The following FAM234B variants were observed in gnomAD, a reference collection of about 807,000 sequenced individuals.
The protein encoded by FAM234B is family with sequence similarity 234 member B.
FAM234B carries 33 observed loss-of-function variants against 69.3 expected under a neutral mutation model. That is an observed-to-expected ratio of 0.48 (90% confidence interval 0.36 to 0.64). The LOEUF is 0.64. FAM234B is among the 30% of genes least tolerant of loss of function. The pLI is 0.00. For missense variants in FAM234B, 697 were observed against 769.7 expected, an observed-to-expected ratio of 0.91 and a Z score of 1.12; for synonymous variants, 306 against 306.9, an observed-to-expected ratio of 1.00 and a Z score of 0.03.
chr12:13,059,771 G>A (rs1864966331), intron 3 of FAM234B, among the ~76,000 whole-genome samples: 1 of 152,114 alleles, frequency 6.6e-6, no homozygotes, highest in Non-Finnish European at 1.5e-5. Context: ...CTCCAGCCTA[G>A]GAGTAGATTT....
rs759451611 is a variant in FAM234B, at chr12:13,080,675, C to T, written c.*45C>T. 18 of 1,481,598 alleles carry T rather than the reference C, an allele frequency of 1.2e-5. No individual in the cohort carries two copies. Among genetic ancestry groups the T allele is most frequent in the Non-Finnish European group, 1.6e-5 (17 of 1,060,460 alleles). 91.8% of individuals were successfully genotyped at this position (1,481,598 alleles called of 1,614,324 possible). A position where few individuals can be genotyped will look rare whatever the true frequency, so the allele number is the denominator to read the frequency against. Reference sequence around the variant, plus strand: ...GCAGAAGAAGTGAACAGAGTGGATACCCTCTCTACTCTCCTGTCACTGTAA... The same window carrying T: ...GCAGAAGAAGTGAACAGAGTGGATATCCTCTCTACTCTCCTGTCACTGTAA... On this transcript the variant is annotated 3_prime_UTR_variant, in exon 13 of 13. Transcript: ENST00000197268.
intron 1 of FAM234B, among the ~76,000 whole-genome samples, chr12:13,054,080 G>C (rs1046674807): frequency 1.3e-5 from 2 of 152,110 alleles, no homozygotes; most frequent in African/African-American, 4.8e-5. Flanking sequence ...CTTTTTCAAG[G>C]TGCACTGATT....
chr12:13,069,982 A>G (rs117601002), intron 9 of FAM234B, among the ~76,000 whole-genome samples: 1 of 152,096 alleles, frequency 6.6e-6, no homozygotes, highest in East Asian at 1.9e-4. Flanking sequence ...TAGTAGGTTG[A>G]AGGTGGAGAT....
At position 13,071,307 on chromosome 12, in the gene FAM234B, G is replaced by C; in HGVS notation, c.1435G>C (p.Glu479Gln). 1.2e-6 allele frequency: 2 copies of C among 1,614,158 alleles called. No individual in the cohort carries two copies. The highest frequency in any genetic ancestry group is 1.7e-6 in the Non-Finnish European group (2 of 1,180,016). ...WSYRAPCHMKETPATSAVTSD... is the reference protein window; with the variant it reads ...WSYRAPCHMKQTPATSAVTSD... ...TTACCGTGCTCCGTGTCACATGAAAGAAACGCCAGCCACCTCAGCAGTTAC... is the reference window on the plus strand; with the variant it reads ...TTACCGTGCTCCGTGTCACATGAAACAAACGCCAGCCACCTCAGCAGTTAC... Residue 479 changes from glutamate to glutamine, a missense_variant, in exon 10 of 13, where the codon GAA (glutamate) becomes CAA (glutamine). Glu to Gln is a conservative substitution (Grantham distance 29). Around this residue, in one of 3 missense-constraint regions of FAM234B, gnomAD observed 313 missense variants for 305.5 expected, o/e 1.02. Coordinates refer to ENST00000197268, the MANE Select transcript of FAM234B (RefSeq NM_020853.2).
intron 1 of FAM234B, among the ~76,000 whole-genome samples, chr12:13,045,535 C>A (rs186299379): frequency 5.0e-4 from 76 of 152,260 alleles, no homozygotes; most frequent in African/African-American, 1.8e-3. Context: ...CAGTATGCTA[C>A]CCTGAAGCGA....
At chr12:13,073,760 G>A (rs1865132294) in intron 10 of FAM234B, among the ~76,000 whole-genome samples, 1 of 152,166 alleles carries the variant, frequency 6.6e-6, no homozygotes, top group African/African-American at 2.4e-5. Context: ...ACCAATTGAG[G>A]TGTCTTCAGT....
At chr12:13,072,638 G>A (rs1380524154) in intron 10 of FAM234B, among the ~76,000 whole-genome samples, 1 of 151,328 alleles carries the variant, frequency 6.6e-6, no homozygotes, top group Non-Finnish European at 1.5e-5. Context: ...GCTGAGGCAG[G>A]AGAATCGCTT....
intron 3 of FAM234B, among the ~76,000 whole-genome samples, chr12:13,059,353 T>G (rs1228888339): frequency 6.6e-6 from 1 of 152,218 alleles, no homozygotes; most frequent in African/African-American, 2.4e-5. Flanking sequence ...CTATCACTTG[T>G]GGTGTTTCTA....
Position 13,055,740 on chromosome 12 carries a change from A to C in FAM234B, c.227A>C (p.Glu76Ala). Residue 76 changes from glutamate to alanine, a missense_variant, in exon 2 of 13, where the codon GAA becomes GCA. Around this residue, in one of 3 missense-constraint regions of FAM234B, gnomAD observed 380 missense variants for 447.1 expected, o/e 0.85. Coordinates refer to ENST00000197268, the MANE Select transcript of FAM234B (RefSeq NM_020853.2). ...GAGGCTGCAAAGCCACATCTTTCAG[A>C]AGTCACCACGGAGGGCTACCCCTCA... ...VAEAAKPHLS[E>A]VTTEGYPSEP... The C allele has an allele frequency of 1.2e-6, 2 of 1,614,222 alleles. No homozygotes were observed. Among genetic ancestry groups the C allele is most frequent in the East Asian group, 4.5e-5 (2 of 44,888 alleles).
chr12:13,071,044 A>G (rs1865099642), intron 9 of FAM234B, among the ~76,000 whole-genome samples, 197 bp from the exon 10 acceptor site: 2 of 152,232 alleles, frequency 1.3e-5, no homozygotes, highest in Admixed American at 6.5e-5. Context: ...AAATGGGAAC[A>G]AGGGCTGCAG....
chr12:13,060,671 G>A (rs930557199), intron 3 of FAM234B, among the ~76,000 whole-genome samples: 7 of 152,146 alleles, frequency 4.6e-5, no homozygotes, highest in African/African-American at 1.4e-4. Context: ...TCAATTAGTC[G>A]TGCTGAGGAA....
At chr12:13,060,345 G>A (rs1391021233) in intron 3 of FAM234B, among the ~76,000 whole-genome samples, 1 of 152,132 alleles carries the variant, frequency 6.6e-6, no homozygotes, top group African/African-American at 2.4e-5. Flanking sequence ...CTAACTGTGC[G>A]GCAGCCACTC....
chr12:13,049,263 T>A (rs969993899), intron 1 of FAM234B, among the ~76,000 whole-genome samples: 1 of 152,216 alleles, frequency 6.6e-6, no homozygotes, highest in African/African-American at 2.4e-5. Context: ...CACTCTAACC[T>A]CCGCCTCCCA....
chr12:13,072,139 G>C (rs1000235216), intron 10 of FAM234B, among the ~76,000 whole-genome samples: 3 of 152,108 alleles, frequency 2.0e-5, no homozygotes, highest in Admixed American at 2.0e-4. Context: ...GAAGGCAGAT[G>C]GTCCACAGAT....
Position 13,044,449 on chromosome 12 carries a change from T to C in FAM234B, c.37+9T>C, listed in dbSNP as rs542278094. On this transcript the variant is annotated intron_variant, in intron 1 of 12. Transcript: ENST00000197268. The surrounding 1 kb of genome is among the most constrained non-coding windows in gnomAD (Gnocchi z 5.6). ...GGCGCTCAAGCTGCCGGGTAAGGAG[T>C]CGCATGCTTGCGACCACCCAGTCCC... The C allele has an allele frequency of 1.7e-5, 27 of 1,549,676 alleles. No individual in the cohort carries two copies. Among genetic ancestry groups the C allele is most frequent in the Middle Eastern group, 3.4e-4 (2 of 5,940 alleles).
chr12:13,055,956 A>G lies in FAM234B; in HGVS notation c.433+10A>G. 1 of 1,541,918 alleles carries G rather than the reference A, an allele frequency of 6.5e-7. No homozygotes were observed. The highest frequency in any genetic ancestry group is 8.7e-7 in the Non-Finnish European group (1 of 1,146,678). The stretch of plus-strand genomic sequence containing the variant: ...TTGGGCTCCCAGGGAGGTGAGCTGC[A>G]GAATCTTCAGCCCTAATCCTGTGAA... On this transcript the variant is annotated intron_variant, in intron 2 of 12. Coordinates refer to ENST00000197268, the MANE Select transcript of FAM234B (RefSeq NM_020853.2).
intron 10 of FAM234B, among the ~76,000 whole-genome samples, 170 bp from the exon 11 acceptor site, chr12:13,075,856 C>T (rs1172974799): frequency 6.6e-6 from 1 of 152,004 alleles, no homozygotes; most frequent in African/African-American, 2.4e-5. Context: ...TGAAATATGT[C>T]TCTTATACAG....
intron 5 of FAM234B, 59 bp from the exon 6 acceptor site, chr12:13,066,581 A>G: frequency 6.6e-7 from 1 of 1,520,176 alleles, no homozygotes; most frequent in South Asian, 1.3e-5. Context: ...TGGAGAAGCC[A>G]TTTCATTAGC....
intron 12 of FAM234B, 80 bp from the exon 13 acceptor site, chr12:13,080,545 C>G: frequency 1.7e-6 from 2 of 1,159,386 alleles, no homozygotes; most frequent in Admixed American, 1.7e-5. Context: ...GAGAAATATT[C>G]TGACCTTTAG....
Sources: gnomAD v4.1 joint callset for allele counts (sites outside exome capture counted in the v4.1 genomes callset) on GRCh38, gnomAD v4.1.1 for gene constraint, gnomAD v4.1.1 regional missense constraint, Gnocchi (gnomAD v3.1) non-coding constraint, MANE v1.5 for transcripts, NCBI Gene and HGNC (gene_info 2026-07-23, HGNC 2026-07-21) for gene names.